CPHXL: variants seen among roughly 807,000 people sequenced by gnomAD.
CPHXL encodes cytoplasmic polyadenylated homeobox like.
Position 75,714,559 on chromosome 16 carries a change from G to C in CPHXL, c.883C>G (p.Leu295Val). Residue 295 changes from leucine (L) to valine (V), a missense_variant, in exon 3 of 3, where the codon CTT (leucine) becomes GTT (valine). By Grantham distance (32) the Leu-to-Val change is conservative (BLOSUM62 1). Transcript: ENST00000640559. ...AGCAGTGAGAGACAGAATGAGCAAA[G>C]ACAATGGTCTTTCTTCACCCCATAT... ...GAYGVKKDHC[L>V]CSFCLSLLGQ... is the part of the protein sequence containing the mutation. The C allele has an allele frequency of 2.5e-6, 1 of 398,622 alleles. No homozygotes were observed. The highest frequency in any genetic ancestry group is 4.4e-6 in the Non-Finnish European group (1 of 226,078). The allele number at this position is 398,622 out of a possible 1,614,324, so 24.7% of individuals were successfully genotyped here.
chr16:75,722,769 T>C (rs543878677), intron 1 of CPHXL, among the ~76,000 whole-genome samples: 2 of 152,314 alleles, frequency 1.3e-5, no homozygotes, highest in South Asian at 4.1e-4. Flanking sequence ...AGTATCATCC[T>C]GATACCAAAG....
intron 1 of CPHXL, among the ~76,000 whole-genome samples, chr16:75,719,612 A>C (rs1567528748): frequency 6.6e-6 from 1 of 152,190 alleles, no homozygotes; most frequent in Non-Finnish European, 1.5e-5. Flanking sequence ...CAGGAAGCTC[A>C]AACTGGGTGG....
At chr16:75,723,073 A>G (rs1449563292) in intron 1 of CPHXL, among the ~76,000 whole-genome samples, 1 of 152,236 alleles carries the variant, frequency 6.6e-6, no homozygotes, top group African/African-American at 2.4e-5. Context: ...AAAACTCTCA[A>G]TAAATTAGGT....
Position 75,715,126 on chromosome 16 carries a change from A to C in CPHXL, c.316T>G (p.Ser106Ala). The change falls in exon 3 of 3, where the codon TCA becomes GCA. Residue 106 changes from serine (S) to alanine (A), a missense_variant. Transcript: ENST00000640559. Reference protein sequence around the residue: ...KKHDFPVQAHSFLSCQETQAA... With the variant: ...KKHDFPVQAHAFLSCQETQAA... ...TGGGTCTCCTGGCAGCTTAAAAATG[A>C]ATGGGCTTGGACTGGAAAATCATGC... 2.5e-6 allele frequency: 1 copy of C among 398,994 alleles called. No individual in the cohort carries two copies. 24.7% of individuals were successfully genotyped at this position (398,994 alleles called of 1,614,324 possible).
At chr16:75,720,087 C>G (rs1036477559) in intron 1 of CPHXL, among the ~76,000 whole-genome samples, 1 of 152,204 alleles carries the variant, frequency 6.6e-6, no homozygotes, top group African/African-American at 2.4e-5. Flanking sequence ...GACATCCACA[C>G]TAAAACCCCA....
intron 2 of CPHXL, 54 bp from the exon 3 acceptor site, chr16:75,715,276 T>A: frequency 2.5e-6 from 1 of 398,512 alleles, no homozygotes; most frequent in Non-Finnish European, 4.4e-6. Flanking sequence ...GAATATATTC[T>A]TATATGCATT....
chr16:75,725,700 C>T (rs1402025551), intron 1 of CPHXL, among the ~76,000 whole-genome samples: 3 of 149,240 alleles, frequency 2.0e-5, no homozygotes, highest in Non-Finnish European at 4.4e-5. Flanking sequence ...GATCCACCCG[C>T]CTCGGCCTCA....
At chr16:75,722,515 A>G (rs1407897088) in intron 1 of CPHXL, among the ~76,000 whole-genome samples, 1 of 152,236 alleles carries the variant, frequency 6.6e-6, no homozygotes, top group African/African-American at 2.4e-5. Flanking sequence ...GAAGAAATGG[A>G]TAAATTCCTA....
intron 1 of CPHXL, among the ~76,000 whole-genome samples, chr16:75,720,780 C>G (rs1378173509): frequency 6.6e-6 from 1 of 152,068 alleles, no homozygotes; most frequent in East Asian, 1.9e-4. Flanking sequence ...TCAAGAAGAG[C>G]AACTCCAAGA....
chr16:75,725,530 G>T (rs1959544060), intron 1 of CPHXL, among the ~76,000 whole-genome samples: 2 of 150,414 alleles, frequency 1.3e-5, no homozygotes, highest in Non-Finnish European at 2.9e-5. Context: ...TCGGCTCACT[G>T]CAAGCTCCGC....
In CPHXL at chr16:75,715,033, C is replaced by A. The variant is rs987977873; in HGVS notation, c.409G>T (p.Ala137Ser). The A allele has an allele frequency of 1.8e-5, 7 of 398,664 alleles. No homozygotes were observed. The highest frequency in any genetic ancestry group is 1.4e-4 in the African/African-American group (7 of 48,766). 24.7% of individuals were successfully genotyped at this position (398,664 alleles called of 1,614,324 possible). A position where few individuals can be genotyped will look rare whatever the true frequency, so the allele number is the denominator to read the frequency against. The change falls in exon 3 of 3, where the codon GCT (alanine) becomes TCT (serine). Residue 137 changes from alanine to serine, a missense_variant. Coordinates refer to ENST00000640559, the MANE Select transcript of CPHXL (RefSeq NM_001355613.1). ...SGAQRALMRRAGCSHLEKQWI... is the reference protein window; with the variant it reads ...SGAQRALMRRSGCSHLEKQWI... ...TGTTTCTCCAGATGGGAGCAACCAGCTCTTCTCATCAGAGCCCTCTGGGCA... is the reference window on the plus strand; with the variant it reads ...TGTTTCTCCAGATGGGAGCAACCAGATCTTCTCATCAGAGCCCTCTGGGCA...
At chr16:75,716,118 GA>G (rs111346751) in intron 2 of CPHXL, among the ~76,000 whole-genome samples, 29,150 of 146,736 alleles carry the variant, frequency 0.2, 3,859 homozygotes, top group East Asian at 0.65. Context: ...CTCTCTGAGG[GA>G]AAAAAAAAAA....
chr16:75,718,417 T>C lies in CPHXL; in HGVS notation c.67A>G (p.Thr23Ala), dbSNP rs1474477528. The C allele has an allele frequency of 2.5e-6, 1 of 398,554 alleles. No individual in the cohort carries two copies. The highest frequency in any genetic ancestry group is 4.4e-6 in the Non-Finnish European group (1 of 226,138). The allele number at this position is 398,554 out of a possible 1,614,324, so 24.7% of individuals were successfully genotyped here. ...EEDHHNEERQ[T>A]KNKRKTKHRH... ...TGTTTTGTTTTTCTTTTATTCTTTG[T>C]TTGTCTTTCTTCATTATGATGATCC... is the stretch of plus-strand genomic sequence containing the variant. Residue 23 changes from threonine to alanine, a missense_variant, in exon 2 of 3, where the codon ACA (threonine) becomes GCA (alanine). Transcript: ENST00000640559.
At chr16:75,719,997 T>A (rs952225904) in intron 1 of CPHXL, among the ~76,000 whole-genome samples, 9 of 152,190 alleles carry the variant, frequency 5.9e-5, no homozygotes, top group Non-Finnish European at 1.5e-5. Context: ...AAACAGGGTC[T>A]GGAGTGGACC....
At chr16:75,719,864 GACTGAC>G in intron 1 of CPHXL, among the ~76,000 whole-genome samples, 1 of 152,282 alleles carries the variant, frequency 6.6e-6, no homozygotes. Context: ...AGTAGGGGCA[GACTGAC>G]ACCTCACACG....
At position 75,719,003 on chromosome 16, in the gene CPHXL, T is replaced by C. The variant is rs113918117; in HGVS notation, c.26-545A>G. Among the ~76,000 whole-genome samples the C allele has an allele frequency of 1.8e-3, 277 of 152,312 alleles. 1 individual carries two copies. Among genetic ancestry groups the C allele is most frequent in the African/African-American group, 6.3e-3 (260 of 41,548 alleles). ...AGAGGCCTCTGGGTGCCACTAAGTT[T>C]TCTTTATCTGAGTGCTGAGTTCCAC... On this transcript the variant is annotated intron_variant, in intron 1 of 2. Coordinates refer to ENST00000640559, the MANE Select transcript of CPHXL (RefSeq NM_001355613.1).
intron 1 of CPHXL, among the ~76,000 whole-genome samples, chr16:75,723,926 G>T (rs527649488): frequency 6.6e-6 from 1 of 151,662 alleles, no homozygotes; most frequent in South Asian, 2.1e-4. Flanking sequence ...CAAAACAGAG[G>T]TATAGACCAA....
chr16:75,721,046 A>G (rs545564334), intron 1 of CPHXL, among the ~76,000 whole-genome samples: 3 of 152,330 alleles, frequency 2.0e-5, no homozygotes, highest in Admixed American at 6.5e-5. Flanking sequence ...ACAGACAAGC[A>G]AATGCTGAGA....
At chr16:75,719,109 A>G (rs1014882980) in intron 1 of CPHXL, among the ~76,000 whole-genome samples, 3 of 151,956 alleles carry the variant, frequency 2.0e-5, no homozygotes, top group Admixed American at 6.5e-5. Flanking sequence ...CTATATTTCA[A>G]TTAAATATTT....
Sources: gnomAD v4.1 joint callset for allele counts (sites outside exome capture counted in the v4.1 genomes callset) on GRCh38, gnomAD v4.1.1 for gene constraint, MANE v1.5 for transcripts, NCBI Gene and HGNC (gene_info 2026-07-23, HGNC 2026-07-21) for gene names.